Variants in CCDC60 observed in about 807,000 individuals in gnomAD.
CCDC60 encodes the protein coiled-coil domain containing 60, also known as coiled-coil domain-containing protein 60.
CCDC60 carries 54 observed loss-of-function variants against 63.5 expected under a neutral mutation model. The ratio of observed to expected loss-of-function variants is 0.85; its 90% CI spans 0.68 to 1.07. The LOEUF (loss-of-function observed/expected upper bound fraction) is 1.07. Ranked by LOEUF, CCDC60 falls within the 50% of genes least tolerant of loss-of-function variation. The pLI, the probability that CCDC60 is intolerant of heterozygous loss-of-function variation, is 0.00. For missense variants in CCDC60, 651 were observed against 684.3 expected (o/e 0.95, Z 0.54); for synonymous variants, 206 against 238.8 (o/e 0.86, Z 1.27).
At chr12:119,472,584 T>A (rs1951087219) in intron 3 of CCDC60, among the ~76,000 whole-genome samples, 1 of 146,478 alleles carries the variant, frequency 6.8e-6, no homozygotes, top group African/African-American at 2.5e-5. Flanking sequence ...TCCTTTTTTT[T>A]TTTTTTTTTT....
chr12:119,435,119 G>A (rs1950301630), intron 2 of CCDC60, among the ~76,000 whole-genome samples: 1 of 152,126 alleles, frequency 6.6e-6, no homozygotes, highest in South Asian at 2.1e-4. Flanking sequence ...GGAAAAGGCT[G>A]CATTGTGCAT....
chr12:119,343,195 C>G (rs79867814), intron 1 of CCDC60, among the ~76,000 whole-genome samples: 10,887 of 152,266 alleles, frequency 0.071, 422 homozygotes, highest in Non-Finnish European at 0.077. Context: ...TTTTCAAACT[C>G]TGCTGAGAAA....
intron 1 of CCDC60, among the ~76,000 whole-genome samples, chr12:119,424,226 T>G (rs1956863158): frequency 6.6e-6 from 1 of 152,224 alleles, no homozygotes; most frequent in Non-Finnish European, 1.5e-5. Flanking sequence ...ATAGATTTTA[T>G]AAGCATAAAT....
intron 7 of CCDC60, among the ~76,000 whole-genome samples, chr12:119,513,343 T>C (rs1348477234): frequency 1.3e-5 from 2 of 152,222 alleles, no homozygotes; most frequent in South Asian, 4.1e-4. Context: ...CAGAAACTTA[T>C]TGTCTCACAG....
At chr12:119,538,783 A>C (rs1953079818) in intron 13 of CCDC60, among the ~76,000 whole-genome samples, 1 of 152,050 alleles carries the variant, frequency 6.6e-6, no homozygotes, top group Admixed American at 6.5e-5. Context: ...TGGTTTTGGG[A>C]ATTTTCAGCC....
intron 1 of CCDC60, among the ~76,000 whole-genome samples, chr12:119,405,969 C>T (rs192084874): frequency 2.4e-3 from 370 of 152,134 alleles, no homozygotes; most frequent in African/African-American, 8.3e-3. Flanking sequence ...ATCAGGAGTT[C>T]GAGACCAGCC....
intron 2 of CCDC60, among the ~76,000 whole-genome samples, chr12:119,433,227 C>T (rs1363703748): frequency 6.6e-6 from 1 of 152,180 alleles, no homozygotes; most frequent in Non-Finnish European, 1.5e-5. Flanking sequence ...GTTCCACTTC[C>T]CACAGACCCA....
chr12:119,369,252 A>G (rs1333877502), intron 1 of CCDC60, among the ~76,000 whole-genome samples: 2 of 152,186 alleles, frequency 1.3e-5, no homozygotes, highest in South Asian at 2.1e-4. Flanking sequence ...AGACGCTCGC[A>G]ATGTAGGTTT....
chr12:119,344,791 A>G (rs887417867), intron 1 of CCDC60, among the ~76,000 whole-genome samples: 2 of 151,074 alleles, frequency 1.3e-5, no homozygotes, highest in Non-Finnish European at 2.9e-5. Context: ...TTTCTGCCTT[A>G]TATCTTCTTC....
chr12:119,463,448 C>T (rs1322503953), intron 2 of CCDC60, among the ~76,000 whole-genome samples: 5 of 152,254 alleles, frequency 3.3e-5, no homozygotes, highest in Non-Finnish European at 7.3e-5. Context: ...AGCTCTGCTT[C>T]TTTCCAGCTC....
chr12:119,461,632 T>C (rs2136305329), intron 2 of CCDC60, among the ~76,000 whole-genome samples: 1 of 152,274 alleles, frequency 6.6e-6, no homozygotes, highest in South Asian at 2.1e-4. Flanking sequence ...TAGAGAAAAC[T>C]TTCCATTTTA....
At chr12:119,419,930 G>A (rs890186647) in intron 1 of CCDC60, among the ~76,000 whole-genome samples, 1 of 142,290 alleles carries the variant, frequency 7.0e-6, no homozygotes, top group Non-Finnish European at 1.5e-5. Context: ...AGGCTGGAGT[G>A]CAGTGGCACG....
intron 1 of CCDC60, among the ~76,000 whole-genome samples, chr12:119,337,035 T>C (rs1227022248): frequency 6.6e-6 from 1 of 152,120 alleles, no homozygotes; most frequent in Non-Finnish European, 1.5e-5. Flanking sequence ...GCCTGGCAGG[T>C]GGTCAGTCTG....
intron 9 of CCDC60, 21 bp downstream of exon 9, chr12:119,520,213 C>T: frequency 6.2e-7 from 1 of 1,608,356 alleles, no homozygotes; most frequent in Non-Finnish European, 8.5e-7. Flanking sequence ...CTGGAGCCTG[C>T]AGCAGGTGCC....
chr12:119,416,169 G>A (rs370850050), intron 1 of CCDC60, among the ~76,000 whole-genome samples: 1 of 152,200 alleles, frequency 6.6e-6, no homozygotes, highest in East Asian at 1.9e-4. Flanking sequence ...ATCACCTGAG[G>A]TCAGGAGTTC....
intron 1 of CCDC60, among the ~76,000 whole-genome samples, chr12:119,359,788 G>A (rs1464306291): frequency 6.6e-6 from 1 of 152,050 alleles, no homozygotes; most frequent in Non-Finnish European, 1.5e-5. Context: ...GTCTTGCACC[G>A]CCCTTAATCC....
At chr12:119,359,221 G>A (rs1002065804) in intron 1 of CCDC60, among the ~76,000 whole-genome samples, 3 of 151,968 alleles carry the variant, frequency 2.0e-5, no homozygotes, top group Non-Finnish European at 4.4e-5. Flanking sequence ...GTTTTTTTAG[G>A]TTTATTGGCC....
chr12:119,489,122 A>G (rs1032203695), intron 5 of CCDC60, among the ~76,000 whole-genome samples: 2 of 152,138 alleles, frequency 1.3e-5, no homozygotes, highest in Non-Finnish European at 2.9e-5. Flanking sequence ...GGGTAGCTTG[A>G]AATCAGCCAG....
At chr12:119,424,550 A>G (rs553323984) in intron 1 of CCDC60, among the ~76,000 whole-genome samples, 1 of 152,338 alleles carries the variant, frequency 6.6e-6, no homozygotes, top group African/African-American at 2.4e-5. Flanking sequence ...GTATTTCTAA[A>G]GCTTGTCACA....
Sources: gnomAD v4.1 joint callset for allele counts (sites outside exome capture counted in the v4.1 genomes callset) on GRCh38, gnomAD v4.1.1 for gene constraint, MANE v1.5 for transcripts, NCBI Gene and HGNC (gene_info 2026-07-23, HGNC 2026-07-21) for gene names.